ARL3: variants seen among roughly 807,000 people sequenced by gnomAD.
The protein encoded by ARL3 is ADP-ribosylation factor-like protein 3.
Under a neutral mutation model 26.0 loss-of-function variants are expected in ARL3, and 9 were observed. That is an observed-to-expected ratio of 0.35 (90% CI 0.21 to 0.60). The LOEUF is 0.60. Ranked by LOEUF, ARL3 falls within the 20% of genes least tolerant of loss-of-function variation. ARL3 has a pLI of 0.78. For synonymous variants in ARL3, 71 were observed against 78.4 expected, an observed-to-expected ratio of 0.91 and a Z score of 0.50; for missense variants, 158 against 215.7, an observed-to-expected ratio of 0.73 and a Z score of 1.67.
At position 102,693,778 on chromosome 10, in the gene ARL3, T is replaced by A. The variant is rs942127415; in HGVS notation, c.265-3835A>T. Reference sequence around the variant, plus strand: ...GACTCAACCTCCTGGGCTCAAGTGATCCTTCCACCTCAGTCTCCCGAGTAG... The same window carrying A: ...GACTCAACCTCCTGGGCTCAAGTGAACCTTCCACCTCAGTCTCCCGAGTAG... On this transcript the variant is annotated intron_variant, in intron 3 of 5. Transcript: ENST00000260746. Among the ~76,000 whole-genome samples the A allele has an allele frequency of 2.0e-5, 3 of 152,094 alleles. No homozygotes were observed. In the South Asian group the frequency reaches 6.2e-4, roughly 32 times the overall value.
At chr10:102,706,450 C>CA (rs1320658485) in intron 1 of ARL3, among the ~76,000 whole-genome samples, 17 of 149,552 alleles carry the variant, frequency 1.1e-4, no homozygotes, top group South Asian at 8.5e-4. Flanking sequence ...GACTCCGTCT[C>CA]AAAAAAAAAG....
intron 2 of ARL3, among the ~76,000 whole-genome samples, chr10:102,701,005 G>C (rs1360135955): frequency 2.0e-5 from 3 of 152,078 alleles, no homozygotes; most frequent in Non-Finnish European, 4.4e-5. Context: ...CCAAAGTGCT[G>C]GGATTACAGG....
At position 102,673,822 on chromosome 10, in the gene ARL3, C is replaced by A. The variant is rs1160037756; in HGVS notation, c.*3072G>T. 3 of 152,148 alleles carry A rather than the reference C, an allele frequency of 2.0e-5. No individual in the cohort carries two copies. Among genetic ancestry groups the A allele is most frequent in the African/African-American group, 7.2e-5 (3 of 41,416 alleles). The allele number at this position is 152,148 out of a possible 1,614,324, so 9.4% of individuals were successfully genotyped here. The stretch of plus-strand genomic sequence containing the variant: ...ACATGACCAAACACCACATCTCTTC[C>A]TTTGATTATCATTTTCAAAAGGGAT... On this transcript the variant is annotated 3_prime_UTR_variant, in exon 6 of 6. Transcript: ENST00000260746.
chr10:102,709,497 A>G (rs75281059), intron 1 of ARL3, among the ~76,000 whole-genome samples: 2 of 123,746 alleles, frequency 1.6e-5, no homozygotes, highest in Non-Finnish European at 3.5e-5. Context: ...AAAAAAAAAA[A>G]TTATCCAGGT....
rs1419417848 is a variant in ARL3 at position 102,673,840 on chromosome 10, A to G, written c.*3054T>C. 1 of 152,244 alleles carries G rather than the reference A, an allele frequency of 6.6e-6. No homozygotes were observed. The highest frequency in any genetic ancestry group is 1.5e-5 in the Non-Finnish European group (1 of 68,052). The allele number at this position is 152,244 out of a possible 1,614,324, so 9.4% of individuals were successfully genotyped here. A position where few individuals can be genotyped will look rare whatever the true frequency, so the allele number is the denominator to read the frequency against. ...TCTCTTCCTTTGATTATCATTTTCA[A>G]AAGGGATTATAAAAAAAGAACCTTT... On this transcript the variant is annotated 3_prime_UTR_variant, in exon 6 of 6. Coordinates refer to ENST00000260746, the MANE Select transcript of ARL3 (RefSeq NM_004311.4).
intron 3 of ARL3, among the ~76,000 whole-genome samples, chr10:102,699,076 G>A (rs1308799278): frequency 1.3e-5 from 2 of 152,184 alleles, no homozygotes; most frequent in Non-Finnish European, 2.9e-5. Context: ...GACAGTCAGT[G>A]GCATGATCTT....
chr10:102,702,291 T>C (rs893037765), intron 2 of ARL3, among the ~76,000 whole-genome samples: 1 of 152,116 alleles, frequency 6.6e-6, no homozygotes. Context: ...TATATATGCA[T>C]AGAAAAAAAC....
At chr10:102,691,673 C>G (rs897088909) in intron 3 of ARL3, among the ~76,000 whole-genome samples, 1 of 152,138 alleles carries the variant, frequency 6.6e-6, no homozygotes, top group Non-Finnish European at 1.5e-5. Flanking sequence ...ATTTGTCGAC[C>G]TGCTCTATAA....
In ARL3 at chr10:102,714,289, C is replaced by CCCTCCTCCT. The variant is rs71019606; in HGVS notation, c.-23_-15dup. The CCCTCCTCCT allele has an allele frequency of 1.5e-6, 2 of 1,309,180 alleles. No homozygotes were observed. Among genetic ancestry groups the CCCTCCTCCT allele is most frequent in the Non-Finnish European group, 2.0e-6 (2 of 1,020,018 alleles). The allele number at this position is 1,309,180 out of a possible 1,614,324, so 81.1% of individuals were successfully genotyped here. A position where few individuals can be genotyped will look rare whatever the true frequency, so the allele number is the denominator to read the frequency against. On this transcript the variant is annotated 5_prime_UTR_variant, in exon 1 of 6. Coordinates refer to ENST00000260746, the MANE Select transcript of ARL3 (RefSeq NM_004311.4). ...CACACTCACCATCCTCCCGCCGAGT[C>CCCTCCTCCT]CCTCCTCCTCCTCCTCCTCCTGCTG... is the stretch of plus-strand genomic sequence containing the variant.
chr10:102,678,304 T>G (rs2064140231), intron 5 of ARL3, among the ~76,000 whole-genome samples: 1 of 152,006 alleles, frequency 6.6e-6, no homozygotes, highest in South Asian at 2.1e-4. Context: ...CTAATTACAA[T>G]GGGGTCAGCT....
intron 3 of ARL3, among the ~76,000 whole-genome samples, chr10:102,691,030 A>C (rs1368449360): frequency 6.6e-6 from 1 of 152,024 alleles, no homozygotes; most frequent in Non-Finnish European, 1.5e-5. Context: ...TTAGAGAACC[A>C]TTTAATTTAA....
Position 102,675,416 on chromosome 10 carries a change from G to A in ARL3, c.*1478C>T, listed in dbSNP as rs1162764604. The A allele has an allele frequency of 6.6e-6, 1 of 152,264 alleles. No individual in the cohort carries two copies. The highest frequency in any genetic ancestry group is 1.5e-5 in the Non-Finnish European group (1 of 68,080). The allele number at this position is 152,264 out of a possible 1,614,324, so 9.4% of individuals were successfully genotyped here. ...CTTCAGTCTGCTCACACGCCCTGAT[G>A]GGCTTGGGAAGGGCCACCTCCCAGG... is the stretch of plus-strand genomic sequence containing the variant. On this transcript the variant is annotated 3_prime_UTR_variant, in exon 6 of 6. Transcript: ENST00000260746.
At chr10:102,692,976 A>G (rs892187763) in intron 3 of ARL3, among the ~76,000 whole-genome samples, 1 of 152,224 alleles carries the variant, frequency 6.6e-6, no homozygotes, top group Non-Finnish European at 1.5e-5. Context: ...GATTACAGGC[A>G]TGAGCCACCG....
intron 4 of ARL3, 46 bp downstream of exon 4, chr10:102,689,847 T>C (rs764733236): frequency 3.3e-6 from 4 of 1,214,966 alleles, no homozygotes; most frequent in South Asian, 3.0e-5. Flanking sequence ...AAAAAGTACA[T>C]ACATATATAT....
chr10:102,689,485 T>A (rs1399075328), intron 4 of ARL3, among the ~76,000 whole-genome samples: 1 of 151,958 alleles, frequency 6.6e-6, no homozygotes. Flanking sequence ...ACAAGGTTGA[T>A]TAATGAATAC....
chr10:102,680,787 G>T (rs1290002516), intron 5 of ARL3, among the ~76,000 whole-genome samples: 2 of 152,166 alleles, frequency 1.3e-5, no homozygotes, highest in African/African-American at 4.8e-5. Flanking sequence ...ATGATGAGGT[G>T]CTCGGACCCT....
At chr10:102,692,048 G>A (rs1590122954) in intron 3 of ARL3, among the ~76,000 whole-genome samples, 2 of 152,338 alleles carry the variant, frequency 1.3e-5, no homozygotes, top group East Asian at 3.9e-4. Flanking sequence ...GCTGGAGGAA[G>A]CTTCTCTAGT....
In ARL3 at chr10:102,674,723, C is replaced by T. The variant is rs908356163; in HGVS notation, c.*2171G>A. On this transcript the variant is annotated 3_prime_UTR_variant, in exon 6 of 6. Coordinates refer to ENST00000260746, the MANE Select transcript of ARL3 (RefSeq NM_004311.4). ...GCCTTTTTCAGGCTTCTCTCATCTACCCCAGAGCCCCAGGAGGGTTCAAAA... is the reference window on the plus strand; with the variant it reads ...GCCTTTTTCAGGCTTCTCTCATCTATCCCAGAGCCCCAGGAGGGTTCAAAA... 6.6e-6 allele frequency: 1 copy of T among 152,214 alleles called. No homozygotes were observed. The highest frequency in any genetic ancestry group is 1.5e-5 in the Non-Finnish European group (1 of 68,048). The allele number at this position is 152,214 out of a possible 1,614,324, so 9.4% of individuals were successfully genotyped here. A position where few individuals can be genotyped will look rare whatever the true frequency, so the allele number is the denominator to read the frequency against.
chr10:102,694,107 C>A (rs2064234692), intron 3 of ARL3, among the ~76,000 whole-genome samples: 1 of 152,164 alleles, frequency 6.6e-6, no homozygotes. Context: ...CCTGCCTCAG[C>A]CTCCTGAGTA....
Sources: gnomAD v4.1 joint callset for allele counts (sites outside exome capture counted in the v4.1 genomes callset) on GRCh38, gnomAD v4.1.1 for gene constraint, MANE v1.5 for transcripts, NCBI Gene and HGNC (gene_info 2026-07-23, HGNC 2026-07-21) for gene names.